The following GSDMC variants were observed in gnomAD, a reference collection of about 807,000 sequenced individuals.
GSDMC encodes gasdermin-C.
GSDMC carries 59 observed loss-of-function variants against 58.0 expected under a neutral mutation model. The ratio of observed to expected loss-of-function variants is 1.02; its 90% CI spans 0.82 to 1.26. GSDMC has a LOEUF of 1.26. GSDMC is among the 50% of genes most tolerant of loss of function. GSDMC has a pLI of 0.00. For missense variants in GSDMC, 659 were observed against 598.5 expected, an observed-to-expected ratio of 1.10 and a Z score of -1.06; for synonymous variants, 241 against 220.2, an observed-to-expected ratio of 1.09 and a Z score of -0.83.
In GSDMC at chr8:129,748,652, T is replaced by C; in HGVS notation, c.1376A>G (p.Glu459Gly). 1 of 1,610,754 alleles carries C rather than the reference T, an allele frequency of 6.2e-7. No homozygotes were observed. The highest frequency in any genetic ancestry group is 8.5e-7 in the Non-Finnish European group (1 of 1,178,510). The change falls in exon 14 of 14, where the codon GAG becomes GGG. Residue 459 changes from glutamate (E) to glycine (G), a missense_variant. Glu to Gly is a moderately conservative substitution (Grantham distance 98). Transcript: ENST00000276708. The part of the protein sequence containing the change: ...KPELLAPLQS[E>G]GLAITYGLLE... The stretch of plus-strand genomic sequence containing the variant: ...CAGGCCATAGGTGATGGCCAAACCC[T>C]CACTCTGGAGTGGGGCGAGGAGCTC...
intron 6 of GSDMC, among the ~76,000 whole-genome samples, chr8:129,760,028 G>C (rs570297794): frequency 6.6e-6 from 1 of 152,106 alleles, no homozygotes; most frequent in East Asian, 1.9e-4. Context: ...CTATTCACCC[G>C]TTAAAAAAAT....
chr8:129,719,128 C>A, the GSDMC span, among the ~76,000 whole-genome samples: 416 of 152,178 alleles, frequency 2.7e-3, no homozygotes, highest in Non-Finnish European at 4.6e-3. Flanking sequence ...CATATGTATA[C>A]CCATGTAACA....
the GSDMC span, among the ~76,000 whole-genome samples, chr8:129,709,396 C>T: frequency 1.3e-5 from 2 of 152,112 alleles, no homozygotes; most frequent in African/African-American, 4.8e-5. Flanking sequence ...CAGCTTCAAA[C>T]TCTTTTAAAA....
intron 11 of GSDMC, 122 bp from the exon 12 acceptor site, chr8:129,750,241 A>T: frequency 9.7e-7 from 1 of 1,032,836 alleles, no homozygotes; most frequent in Admixed American, 2.9e-5. Context: ...CCCCCAGGGG[A>T]TTCCAAGCAG....
At chr8:129,746,903 T>G (rs992517795), downstream of GSDMC, among the ~76,000 whole-genome samples, 3 of 152,148 alleles carry the variant, frequency 2.0e-5, no homozygotes, top group Non-Finnish European at 2.9e-5. Context: ...AAAAAATTAT[T>G]TGATCACAGC....
chr8:129,728,757 A>AACT, the GSDMC span: 1 of 495,884 alleles, frequency 2.0e-6, no homozygotes, highest in Admixed American at 3.2e-5. Context: ...TGCGATATAA[A>AACT]ACTTGCCGAG....
At chr8:129,759,602 A>G (rs1266810903) in intron 6 of GSDMC, among the ~76,000 whole-genome samples, 2 of 152,240 alleles carry the variant, frequency 1.3e-5, no homozygotes, top group Admixed American at 6.5e-5. Context: ...GCAAACAGAC[A>G]TATGAAAATG....
the GSDMC span, chr8:129,729,025 G>A: frequency 3.1e-6 from 2 of 650,494 alleles, no homozygotes; most frequent in African/African-American, 3.6e-5. Flanking sequence ...GAAAATTTAA[G>A]GAAATGTGCA....
intron 8 of GSDMC, 57 bp downstream of exon 8, chr8:129,752,049 C>T: frequency 2.0e-6 from 3 of 1,525,276 alleles, no homozygotes; most frequent in Non-Finnish European, 2.7e-6. Flanking sequence ...CAAAGGCAAT[C>T]AGGTGGTTTT....
chr8:129,767,749 C>T (rs2033914309), intron 3 of GSDMC, among the ~76,000 whole-genome samples: 1 of 151,994 alleles, frequency 6.6e-6, no homozygotes, highest in Admixed American at 6.6e-5. Flanking sequence ...CTGAGACCAC[C>T]ACCAATTACA....
the GSDMC span, among the ~76,000 whole-genome samples, chr8:129,721,523 G>C: frequency 6.6e-6 from 1 of 152,060 alleles, no homozygotes; most frequent in Non-Finnish European, 1.5e-5. Flanking sequence ...ACTTGATACT[G>C]CTCAATATTC....
chr8:129,762,580 C>A lies in GSDMC; in HGVS notation c.676+46G>T, dbSNP rs758007588. The A allele has an allele frequency of 2.7e-6, 3 of 1,097,262 alleles. No individual in the cohort carries two copies. In the African/African-American group the frequency reaches 4.6e-5, roughly 17 times the overall value. The allele number at this position is 1,097,262 out of a possible 1,614,324, so 68.0% of individuals were successfully genotyped here. A position where few individuals can be genotyped will look rare whatever the true frequency, so the allele number is the denominator to read the frequency against. ...TCATTTCTCTCATAGGAGAAGCAGA[C>A]ACCCCCTCCACTGCCATCTGCCTTG... On this transcript the variant is annotated intron_variant, in intron 5 of 13. Transcript: ENST00000276708.
the GSDMC span, chr8:129,729,359 G>T: frequency 2.3e-6 from 1 of 438,528 alleles, no homozygotes. Context: ...TGTGCACAAG[G>T]TGCAGGCTTA....
Position 129,748,536 on chromosome 8 carries a change from TCCCATAGAGGG to T in GSDMC, c.1481_1491del (p.Ala494AspfsTer10). 3 of 1,612,082 alleles carry T rather than the reference TCCCATAGAGGG, an allele frequency of 1.9e-6. No homozygotes were observed. The highest frequency in any genetic ancestry group is 2.5e-6 in the Non-Finnish European group (3 of 1,179,092). ...GCCAGCTGCTGCAGCAACGAGAGAG[TCCCATAGAGGG>T]CAGACAGGGGCATCTTTGCTTCTAC... is the stretch of plus-strand genomic sequence containing the variant. On this transcript the variant is annotated frameshift_variant, in exon 14 of 14. Transcript: ENST00000276708. LOFTEE classifies it low-confidence loss of function (END_TRUNC).
In GSDMC at chr8:129,750,471, A is replaced by G. The variant is rs749257738; in HGVS notation, c.1043T>C (p.Met348Thr). ...CTGTAGAGCCCCTCTGTCTCTGAGCATGGCCAGGATACTGTAGAACATGAC... is the reference window on the plus strand; with the variant it reads ...CTGTAGAGCCCCTCTGTCTCTGAGCGTGGCCAGGATACTGTAGAACATGAC... ...QDVMFYSILAMLRDRGALQDL... is the reference protein window; with the variant it reads ...QDVMFYSILATLRDRGALQDL... Residue 348 changes from methionine to threonine, a missense_variant, in exon 11 of 14, where the codon ATG becomes ACG. Physicochemically the swap from Met to Thr is moderately conservative, Grantham distance 81. Transcript: ENST00000276708. The G allele has an allele frequency of 2.5e-6, 4 of 1,614,036 alleles. No individual in the cohort carries two copies. The highest frequency in any genetic ancestry group is 3.4e-6 in the Non-Finnish European group (4 of 1,179,922).
chr8:129,739,201 T>A, the GSDMC span, among the ~76,000 whole-genome samples: 1 of 152,118 alleles, frequency 6.6e-6, no homozygotes, highest in African/African-American at 2.4e-5. Flanking sequence ...GAGAATGCCC[T>A]GAGATGGGAC....
chr8:129,735,159 G>C, the GSDMC span, among the ~76,000 whole-genome samples: 2 of 152,184 alleles, frequency 1.3e-5, no homozygotes, highest in African/African-American at 2.4e-5. Context: ...CATAAAGCAA[G>C]TCCTGAGTGA....
At chr8:129,750,381 A>C in intron 11 of GSDMC, 50 bp downstream of exon 11, 1 of 1,568,266 alleles carries the variant, frequency 6.4e-7, no homozygotes, top group Non-Finnish European at 8.7e-7. Flanking sequence ...TCTCCTAACC[A>C]ATCCCATTTA....
At chr8:129,754,063 C>A (rs2130368612) in intron 6 of GSDMC, among the ~76,000 whole-genome samples, 1 of 152,340 alleles carries the variant, frequency 6.6e-6, no homozygotes, top group East Asian at 1.9e-4. Context: ...CACCCAAGGC[C>A]TGGGAAAACT....
Sources: allele counts gnomAD v4.1 joint callset (sites outside exome capture counted in the v4.1 genomes callset), GRCh38; gene constraint gnomAD v4.1.1; transcripts MANE v1.5; gene names NCBI Gene and HGNC (gene_info 2026-07-23, HGNC 2026-07-21).